The following CASZ1 variants were observed in gnomAD, a reference collection of about 807,000 sequenced individuals.
CASZ1 encodes the protein castor zinc finger 1, also known as zinc finger protein castor homolog 1.
Under a neutral mutation model 135.2 loss-of-function variants are expected in CASZ1, and 28 were observed. The observed-to-expected ratio is 0.21, with a 90% confidence interval of 0.15 to 0.28. The LOEUF is 0.28. Ranked by LOEUF, CASZ1 falls within the 10% of genes least tolerant of loss-of-function variation. The pLI is 1.00. For missense variants in CASZ1, 2,161 were observed against 2,453.3 expected, an observed-to-expected ratio of 0.88 and a Z score of 2.52; for synonymous variants, 1,068 against 1,073.4, an observed-to-expected ratio of 0.99 and a Z score of 0.10.
intron 2 of CASZ1, among the ~76,000 whole-genome samples, chr1:10,745,843 G>A (rs974969949): frequency 3.3e-5 from 5 of 152,202 alleles, no homozygotes; most frequent in African/African-American, 9.6e-5. Flanking sequence ...AATTGAGAGG[G>A]ACAAAAACGG....
chr1:10,649,150 G>A lies in CASZ1; in HGVS notation c.3078C>T (p.Leu1026=). The A allele has an allele frequency of 6.2e-7, 1 of 1,613,802 alleles. No homozygotes were observed. The highest frequency in any genetic ancestry group is 1.7e-5 in the Admixed American group (1 of 60,016). Residue 1026 remains leucine, a synonymous_variant, in exon 15 of 21, where the codon CTC becomes CTT. Transcript: ENST00000377022. The part of the protein sequence containing the change: ...KDFCDGQCDF[L]HKAHFHCVVE... ...CCACGCAGTGGAAGTGGGCCTTGTG[G>A]AGGAAGTCACACTGGCCGTCACAGA...
At chr1:10,674,084 G>A (rs1160757560) in intron 4 of CASZ1, among the ~76,000 whole-genome samples, 1 of 152,256 alleles carries the variant, frequency 6.6e-6, no homozygotes, top group Non-Finnish European at 1.5e-5. Flanking sequence ...GGTATCCTGA[G>A]GTGCCTGTAG....
chr1:10,675,446 C>G (rs1643537359), intron 4 of CASZ1, among the ~76,000 whole-genome samples: 1 of 152,072 alleles, frequency 6.6e-6, no homozygotes, highest in South Asian at 2.1e-4. Context: ...GCGGGGTGGT[C>G]TGGCATGGGC....
chr1:10,660,525 A>C lies in CASZ1; in HGVS notation c.517T>G (p.Ser173Ala), dbSNP rs770521584. ...STRQASGEASSLRDYAASTMT... is the reference protein window; with the variant it reads ...STRQASGEASALRDYAASTMT... ...GTGGAGGCCGCGTAGTCCCGCAGCGAGGAGGCCTCTCCTGCAGAGGAGGAT... is the reference window on the plus strand; with the variant it reads ...GTGGAGGCCGCGTAGTCCCGCAGCGCGGAGGCCTCTCCTGCAGAGGAGGAT... Residue 173 changes from serine to alanine, a missense_variant, in exon 6 of 21, where the codon TCG (serine) becomes GCG (alanine). Ser to Ala is a moderately conservative substitution (Grantham distance 99, BLOSUM62 1). This residue lies in a region of CASZ1 where 590 missense variants were observed against 609.8 expected (regional missense o/e 0.97). Transcript: ENST00000377022. 4 of 1,612,308 alleles carry C rather than the reference A, an allele frequency of 2.5e-6. No individual in the cohort carries two copies. The highest frequency in any genetic ancestry group is 3.4e-6 in the Non-Finnish European group (4 of 1,179,726).
intron 2 of CASZ1, among the ~76,000 whole-genome samples, chr1:10,716,463 A>G (rs1639395124): frequency 6.6e-6 from 1 of 152,350 alleles, no homozygotes; most frequent in Non-Finnish European, 1.5e-5. Flanking sequence ...CAAAAGATTC[A>G]TGGGGAGCAG....
chr1:10,655,905 C>T (rs1642774849), intron 8 of CASZ1, 92 bp from the exon 9 acceptor site: 6 of 1,331,378 alleles, frequency 4.5e-6, no homozygotes, highest in Middle Eastern at 2.4e-4. Context: ...AGGTGCTGGC[C>T]TCAGGTCTCC....
rs765922752 is a variant in CASZ1, at chr1:10,639,551, G to A, written c.4671C>T (p.Cys1557=). The part of the protein sequence containing the change: ...GFCQFSSSAD[C]AVPDCKYKLK... ...GCTTGTACTTGCAGTCGGGCACGGC[G>A]CAGTCGGCGCTGGAGCTGAACTGGC... The change falls in exon 21 of 21, where the codon TGC becomes TGT. Residue 1557 remains cysteine, a synonymous_variant. Transcript: ENST00000377022. This position sits in a 1 kb window ranked among gnomAD's most constrained non-coding sequence, Gnocchi z 4.0. 1.6e-5 allele frequency: 25 copies of A among 1,610,564 alleles called. No individual in the cohort carries two copies. The highest frequency in any genetic ancestry group is 2.0e-5 in the Non-Finnish European group (24 of 1,178,386).
chr1:10,660,108 A>C lies in CASZ1; in HGVS notation c.934T>G (p.Tyr312Asp). 6.2e-7 allele frequency: 1 copy of C among 1,614,142 alleles called. No homozygotes were observed. Among genetic ancestry groups the C allele is most frequent in the African/African-American group, 1.3e-5 (1 of 75,040 alleles). The change falls in exon 6 of 21, where the codon TAC becomes GAC. Residue 312 changes from tyrosine to aspartate, a missense_variant. Transcript: ENST00000377022. ...MQNLVARASK[Y>D]DFFIQKLKTG... ...TTCAGTTTTTGGATGAAGAAGTCGT[A>C]CTTGGAGGCCCGGGCTACCAGGTTC...
chr1:10,667,070 C>G (rs895413662), intron 4 of CASZ1, among the ~76,000 whole-genome samples: 27 of 152,338 alleles, frequency 1.8e-4, no homozygotes, highest in African/African-American at 6.0e-4. Flanking sequence ...GGGCTTCACT[C>G]TAATGATCAC....
intron 1 of CASZ1, among the ~76,000 whole-genome samples, chr1:10,765,950 C>A (rs1442566447): frequency 6.6e-6 from 1 of 152,144 alleles, no homozygotes; most frequent in Non-Finnish European, 1.5e-5. Flanking sequence ...CAAAAACAAT[C>A]AATTCCAGGG....
At position 10,709,803 on chromosome 1, in the gene CASZ1, A is replaced by C. The variant is rs565027186; in HGVS notation, c.-76-4259T>G. On this transcript the variant is annotated intron_variant, in intron 2 of 20. Transcript: ENST00000377022. This position sits in a 1 kb window ranked among gnomAD's most constrained non-coding sequence, Gnocchi z 5.1. The stretch of plus-strand genomic sequence containing the variant: ...CATAACCAGGCAAAACGGAAAGGTC[A>C]GAGGAAGCCCGGAACTTTTACACAG... 6.6e-6 allele frequency among the ~76,000 whole-genome samples: 1 copy of C among 152,354 alleles called. No homozygotes were observed. Among genetic ancestry groups the C allele is most frequent in the African/African-American group, 2.4e-5 (1 of 41,588 alleles).
chr1:10,707,035 A>G lies in CASZ1; in HGVS notation c.-76-1491T>C, dbSNP rs533330394. On this transcript the variant is annotated intron_variant, in intron 2 of 20. Transcript: ENST00000377022. The surrounding 1 kb of genome is among the most constrained non-coding windows in gnomAD (Gnocchi z 5.0). ...GACCCCCAGGCCTCCACTGCAAGGC[A>G]CCAGGTGGGCTCAGCCATCAGAGCT... is the stretch of plus-strand genomic sequence containing the variant. Among the ~76,000 whole-genome samples, 6 of 152,074 alleles carry G rather than the reference A, an allele frequency of 3.9e-5. No homozygotes were observed. The highest frequency in any genetic ancestry group is 8.8e-5 in the Non-Finnish European group (6 of 67,988).
intron 1 of CASZ1, among the ~76,000 whole-genome samples, chr1:10,787,359 C>T (rs1352076772): frequency 1.3e-5 from 2 of 152,182 alleles, no homozygotes; most frequent in Non-Finnish European, 2.9e-5. Context: ...CGTGTCTCAC[C>T]CCGTCCCCCG....
In CASZ1 at chr1:10,640,019, C is replaced by T; in HGVS notation, c.4203G>A (p.Lys1401=). 1.9e-6 allele frequency: 3 copies of T among 1,611,304 alleles called. No individual in the cohort carries two copies. Among genetic ancestry groups the T allele is most frequent in the Non-Finnish European group, 2.5e-6 (3 of 1,179,870 alleles). ...ACATGTCCTCGATGATCCAGAAGCG[C>T]TTTTTGGCCCCCGAGGCTGTCGGCA... is the stretch of plus-strand genomic sequence containing the variant. ...ISMPTASGAK[K]RFWIIEDMSP... is the part of the protein sequence containing the mutation. Residue 1401 remains lysine, a synonymous_variant, in exon 21 of 21, where the codon AAG becomes AAA. Transcript: ENST00000377022.
chr1:10,667,869 A>C (rs1379195199), intron 4 of CASZ1, among the ~76,000 whole-genome samples: 4 of 44,366 alleles, frequency 9.0e-5, no homozygotes, highest in Admixed American at 5.9e-4. Context: ...CCTTCTCCCC[A>C]TCTCGGCTGT....
In CASZ1 at chr1:10,767,419, C is replaced by T. The variant is rs934993425; in HGVS notation, c.-233-6562G>A. On this transcript the variant is annotated intron_variant, in intron 1 of 20. Coordinates refer to ENST00000377022, the MANE Select transcript of CASZ1 (RefSeq NM_001079843.3). This position sits in a 1 kb window ranked among gnomAD's most constrained non-coding sequence, Gnocchi z 4.2. ...TGTAAACAACCTGATTTTCCGCCTT[C>T]CCAGATCCTAGGCAGATCCCTGGAG... 6.6e-6 allele frequency among the ~76,000 whole-genome samples: 1 copy of T among 152,210 alleles called. No individual in the cohort carries two copies. The highest frequency in any genetic ancestry group is 1.5e-5 in the Non-Finnish European group (1 of 68,042).
In CASZ1 at chr1:10,700,112, CACACAG is replaced by C; in HGVS notation, c.-24+5374_-24+5379del. On this transcript the variant is annotated intron_variant, in intron 3 of 20. Coordinates refer to ENST00000377022, the MANE Select transcript of CASZ1 (RefSeq NM_001079843.3). This position sits in a 1 kb window ranked among gnomAD's most constrained non-coding sequence, Gnocchi z 4.2. ...ACACACACACACACACACACACACA[CACACAG>C]AGTATGAAGCAGGGACCTGGGCTAG... is the stretch of plus-strand genomic sequence containing the variant. 6.6e-6 allele frequency among the ~76,000 whole-genome samples: 1 copy of C among 151,466 alleles called. No individual in the cohort carries two copies. Among genetic ancestry groups the C allele is most frequent in the South Asian group, 2.1e-4 (1 of 4,786 alleles).
At position 10,720,884 on chromosome 1, in the gene CASZ1, G is replaced by C. The variant is rs1248665145; in HGVS notation, c.-76-15340C>G. Among the ~76,000 whole-genome samples the C allele has an allele frequency of 6.6e-6, 1 of 152,204 alleles. No individual in the cohort carries two copies. The highest frequency in any genetic ancestry group is 1.9e-4 in the East Asian group (1 of 5,184). ...CAGGCATGGGTGCCGCGTGGGCCCA[G>C]CCAAGGGCTCCAGGACACGAGGTGG... On this transcript the variant is annotated intron_variant, in intron 2 of 20. Coordinates refer to ENST00000377022, the MANE Select transcript of CASZ1 (RefSeq NM_001079843.3). The surrounding 1 kb of genome is among the most constrained non-coding windows in gnomAD (Gnocchi z 5.7).
chr1:10,776,273 T>G lies in CASZ1; in HGVS notation c.-233-15416A>C, dbSNP rs183976709. Among the ~76,000 whole-genome samples, 37 of 152,320 alleles carry G rather than the reference T, an allele frequency of 2.4e-4. No individual in the cohort carries two copies. Among genetic ancestry groups the G allele is most frequent in the African/African-American group, 7.7e-4 (32 of 41,568 alleles). On this transcript the variant is annotated intron_variant, in intron 1 of 20. Coordinates refer to ENST00000377022, the MANE Select transcript of CASZ1 (RefSeq NM_001079843.3). The surrounding 1 kb of genome is among the most constrained non-coding windows in gnomAD (Gnocchi z 4.1). ...TATTACATTCAATTACCTTTTTACT[T>G]GAGATTTACATTCTCATCCCCTTAA...
Sources: gnomAD v4.1 joint callset for allele counts (sites outside exome capture counted in the v4.1 genomes callset) on GRCh38, gnomAD v4.1.1 for gene constraint, gnomAD v4.1.1 regional missense constraint, Gnocchi (gnomAD v3.1) non-coding constraint, MANE v1.5 for transcripts, NCBI Gene and HGNC (gene_info 2026-07-23, HGNC 2026-07-21) for gene names.